ITIH3: variants seen among roughly 807,000 people sequenced by gnomAD.
ITIH3 encodes inter-alpha-trypsin inhibitor heavy chain H3.
Under a neutral mutation model 96.5 loss-of-function variants are expected in ITIH3, and 81 were observed. That is an observed-to-expected ratio of 0.84 (90% CI 0.70 to 1.01). ITIH3 has a LOEUF of 1.01. Among genes scored for constraint, ITIH3 ranks in the 50% least tolerant of loss-of-function variants. ITIH3 has a pLI of 0.00. For synonymous variants in ITIH3, 422 were observed against 445.2 expected, an observed-to-expected ratio of 0.95 and a Z score of 0.66; for missense variants, 1,057 against 1,139.3, an observed-to-expected ratio of 0.93 and a Z score of 1.04.
intron 15 of ITIH3, 90 bp downstream of exon 15, chr3:52,804,824 A>T: frequency 1.4e-6 from 2 of 1,426,076 alleles, no homozygotes; most frequent in Non-Finnish European, 9.7e-7. Flanking sequence ...TAGGACCCCC[A>T]GCCATGGGGG....
chr3:52,799,752 G>A lies in ITIH3; in HGVS notation c.907-1G>A. On this transcript the variant is annotated splice_acceptor_variant, in intron 8 of 21. Transcript: ENST00000449956. LOFTEE classifies it high-confidence loss of function. ...CTCCCAGCTCTTTGTCTCTCCTCCA[G>A]ACAAAGGAGGCCCTTCTCAGAATCC... is the stretch of plus-strand genomic sequence containing the variant. 6.2e-7 allele frequency: 1 copy of A among 1,609,950 alleles called. No individual in the cohort carries two copies. The highest frequency in any genetic ancestry group is 8.5e-7 in the Non-Finnish European group (1 of 1,178,510).
At chr3:52,795,563 G>A (rs1365697361) in intron 1 of ITIH3, 40 bp from the exon 2 acceptor site, 2 of 1,598,684 alleles carry the variant, frequency 1.3e-6, no homozygotes, top group Non-Finnish European at 1.7e-6. Context: ...TGTTGGCCTT[G>A]GCCTGATTCC....
chr3:52,802,195 A>G, intron 11 of ITIH3, 139 bp from the exon 12 acceptor site: 1 of 843,040 alleles, frequency 1.2e-6, no homozygotes. Flanking sequence ...CCACAGACTG[A>G]AGGACGCAGT....
rs565149857 is a variant in ITIH3 at position 52,801,172 on chromosome 3, G to A, written c.1383+26G>A. 16 of 1,516,456 alleles carry A rather than the reference G, an allele frequency of 1.1e-5. No individual in the cohort carries two copies. In the East Asian group the frequency reaches 3.7e-4, roughly 35 times the overall value. 93.9% of individuals were successfully genotyped at this position (1,516,456 alleles called of 1,614,324 possible). On this transcript the variant is annotated intron_variant, in intron 11 of 21. Coordinates refer to ENST00000449956, the MANE Select transcript of ITIH3 (RefSeq NM_002217.4). ...GTATGCCTTGTCTTGCACACTTCCG[G>A]GCATAAGGAGCTCACTACTTCCTCA...
rs764361664 is a variant in ITIH3 at position 52,799,937 on chromosome 3, G to A, written c.1075+16G>A. 5.6e-5 allele frequency: 91 copies of A among 1,610,920 alleles called. No homozygotes were observed. The highest frequency in any genetic ancestry group is 5.2e-4 in the South Asian group (47 of 90,712). On this transcript the variant is annotated intron_variant, in intron 9 of 21. Transcript: ENST00000449956. ...GATAAAGGAAGTAAGAGCGGAGCTG[G>A]AGCCCACACACCTCCTAGCGGTGCC...
At chr3:52,796,444 T>C (rs1699583229) in intron 2 of ITIH3, 37 bp from the exon 3 acceptor site, 1 of 1,596,102 alleles carries the variant, frequency 6.3e-7, no homozygotes, top group Admixed American at 1.7e-5. Context: ...TTCTCCAGTG[T>C]CCCAGTCTGG....
rs769768589 is a variant in ITIH3, at chr3:52,800,530, T to C, written c.1076-8T>C. On this transcript the variant is annotated splice_polypyrimidine_tract_variant and splice_region_variant and intron_variant, in intron 9 of 21. Transcript: ENST00000449956. Reference sequence around the variant, plus strand: ...ACCCTCCCACGGTGCTGTCTGTCTGTGTCCCAGTGACCAACATCAATGACG... The same window carrying C: ...ACCCTCCCACGGTGCTGTCTGTCTGCGTCCCAGTGACCAACATCAATGACG... 5.8e-6 allele frequency: 9 copies of C among 1,552,742 alleles called. No homozygotes were observed. The highest frequency in any genetic ancestry group is 3.9e-5 in the Admixed American group (2 of 51,082).
At chr3:52,806,849 C>G in intron 18 of ITIH3, 52 bp from the exon 19 acceptor site, 1 of 1,473,370 alleles carries the variant, frequency 6.8e-7, no homozygotes, top group Non-Finnish European at 9.3e-7. Flanking sequence ...TAAAGGCAAT[C>G]TGGACTCAGA....
chr3:52,804,694 TTTCTC>T (rs960254452), intron 14 of ITIH3, 27 bp from the exon 15 acceptor site: 5 of 1,573,084 alleles, frequency 3.2e-6, no homozygotes, highest in Non-Finnish European at 4.3e-6. Flanking sequence ...TTCTAATGCA[TTTCTC>T]TTCTTCCTCC....
Position 52,807,845 on chromosome 3 carries a change from T to C in ITIH3, c.2360T>C (p.Val787Ala), listed in dbSNP as rs766727585. Residue 787 changes from valine to alanine, a missense_variant, in exon 20 of 22, where the codon GTC becomes GCC. Coordinates refer to ENST00000449956, the MANE Select transcript of ITIH3 (RefSeq NM_002217.4). Reference protein sequence around the residue: ...VLHQVWKKHPVHRDFLGFYVV... With the variant: ...VLHQVWKKHPAHRDFLGFYVV... ...CACCAGGTGTGGAAGAAACATCCTG[T>C]CCACCGTGACTTTCTAGGCTTCTAC... is the stretch of plus-strand genomic sequence containing the variant. 3 of 1,611,504 alleles carry C rather than the reference T, an allele frequency of 1.9e-6. No homozygotes were observed. The South Asian group carries it at 3.3e-5, about 18-fold the overall frequency.
rs756947652 is a variant in ITIH3, at chr3:52,802,733, C to A, written c.1636C>A (p.Arg546=). 3 of 1,613,916 alleles carry A rather than the reference C, an allele frequency of 1.9e-6. No individual in the cohort carries two copies. The highest frequency in any genetic ancestry group is 2.5e-6 in the Non-Finnish European group (3 of 1,179,840). The part of the protein sequence containing the change: ...MKEMEKALQE[R]DYIFGNYIER... ...GGAGATGGAGAAGGCCCTGCAGGAG[C>A]GGGACTACATCTTCGGGAATTACAT... The change falls in exon 13 of 22, where the codon CGG becomes AGG. Residue 546 remains arginine (R), a synonymous_variant. Coordinates refer to ENST00000449956, the MANE Select transcript of ITIH3 (RefSeq NM_002217.4).
intron 11 of ITIH3, among the ~76,000 whole-genome samples, chr3:52,801,522 C>T (rs77139171): frequency 0.016 from 2,476 of 152,274 alleles, 75 homozygotes; most frequent in African/African-American, 0.056. Context: ...TTCCAGAGCC[C>T]GGACATCCCA....
At chr3:52,806,011 G>T in intron 16 of ITIH3, 92 bp from the exon 17 acceptor site, 1 of 1,505,064 alleles carries the variant, frequency 6.6e-7, no homozygotes, top group South Asian at 1.2e-5. Context: ...GGAAGGGGAG[G>T]GGAGGGGCAT....
At chr3:52,805,486 G>C in intron 15 of ITIH3, 1 of 1,152,926 alleles carries the variant, frequency 8.7e-7, no homozygotes, top group Non-Finnish European at 1.1e-6. Context: ...CCCAACTAGG[G>C]GGTGGGAAGC....
chr3:52,804,580 A>G lies in ITIH3; in HGVS notation c.1865-146A>G, dbSNP rs73841131. The G allele has an allele frequency of 4.1e-3, 3,131 of 763,114 alleles. 79 individuals carry two copies. In the African/African-American group the frequency reaches 0.051, roughly 12 times the overall value. 47.3% of individuals were successfully genotyped at this position (763,114 alleles called of 1,614,324 possible). On this transcript the variant is annotated intron_variant, in intron 14 of 21. Transcript: ENST00000449956. ...CTGGCTTCCAAGAACTCCTAGTTCC[A>G]GGGGACACCCAGTGGGGGAAGAGCT...
At chr3:52,806,809 C>A in intron 18 of ITIH3, 92 bp from the exon 19 acceptor site, 3 of 1,021,560 alleles carry the variant, frequency 2.9e-6, no homozygotes, top group Non-Finnish European at 4.5e-6. Context: ...TGCCCCTCAG[C>A]CAGTCTGGTT....
At chr3:52,803,306 ATTTTATTTTATTATTATTATT>A (rs1158156679) in intron 13 of ITIH3, among the ~76,000 whole-genome samples, 5 of 129,500 alleles carry the variant, frequency 3.9e-5, no homozygotes, top group African/African-American at 1.5e-4. Flanking sequence ...TTATTTATTT[ATTTTATTTTATTATTATTATT>A]TTTTTTTTTG....
At position 52,803,942 on chromosome 3, in the gene ITIH3, C is replaced by T. The variant is rs749425441; in HGVS notation, c.1797C>T (p.Thr599=). The T allele has an allele frequency of 6.2e-7, 1 of 1,613,904 alleles. No individual in the cohort carries two copies. Among genetic ancestry groups the T allele is most frequent in the Non-Finnish European group, 8.5e-7 (1 of 1,179,868 alleles). The change falls in exon 14 of 22, where the codon ACC becomes ACT. Residue 599 remains threonine, a synonymous_variant. Coordinates refer to ENST00000449956, the MANE Select transcript of ITIH3 (RefSeq NM_002217.4). ...AGTATCACTTTGTGACTCCACTGAC[C>T]TCAATGGTGGTGACCAAGCCTGAGG... ...SLKYHFVTPL[T]SMVVTKPEDN...
chr3:52,797,017 C>A, intron 4 of ITIH3, 88 bp from the exon 5 acceptor site: 1 of 1,465,260 alleles, frequency 6.8e-7, no homozygotes, highest in South Asian at 1.3e-5. Context: ...GGATCTCCCT[C>A]GCCAAAGGGC....
Sources: allele counts gnomAD v4.1 joint callset (sites outside exome capture counted in the v4.1 genomes callset), GRCh38; gene constraint gnomAD v4.1.1; transcripts MANE v1.5; gene names NCBI Gene and HGNC (gene_info 2026-07-23, HGNC 2026-07-21).